Variants in PTPN13 observed in about 807,000 individuals in gnomAD.
PTPN13 encodes the protein tyrosine-protein phosphatase non-receptor type 13.
In PTPN13, 191 loss-of-function variants were observed where a neutral mutation model predicts 284.0. The ratio of observed to expected loss-of-function variants is 0.67; its 90% CI spans 0.60 to 0.76. The LOEUF (loss-of-function observed/expected upper bound fraction) is 0.76, where lower values mean the gene tolerates loss of function less well. PTPN13 is among the 30% of genes least tolerant of loss of function. The pLI is 0.00. For missense variants in PTPN13, 2,797 were observed against 2,939.9 expected (o/e 0.95, Z 1.12); for synonymous variants, 986 against 1,022.3 (o/e 0.96, Z 0.68).
At chr4:86,721,993 C>G (rs1168198846) in intron 9 of PTPN13, among the ~76,000 whole-genome samples, 1 of 151,920 alleles carries the variant, frequency 6.6e-6, no homozygotes, top group Admixed American at 6.6e-5. Context: ...GCGATCCAAC[C>G]GCCTTCACCT....
chr4:86,685,120 A>C (rs1055666221), intron 3 of PTPN13, among the ~76,000 whole-genome samples: 1 of 152,166 alleles, frequency 6.6e-6, no homozygotes, highest in African/African-American at 2.4e-5. Flanking sequence ...TCTCTCCTGC[A>C]TTTCCAGTTT....
At chr4:86,727,350 C>G (rs1734396240) in intron 10 of PTPN13, among the ~76,000 whole-genome samples, 1 of 149,642 alleles carries the variant, frequency 6.7e-6, no homozygotes, top group African/African-American at 2.4e-5. Flanking sequence ...GGAGGATTCC[C>G]TCTTTTTCTA....
rs558228010 is a variant in PTPN13 at position 86,771,237 on chromosome 4, G to A, written c.4870G>A (p.Val1624Met). 1 of 1,611,150 alleles carries A rather than the reference G, an allele frequency of 6.2e-7. No homozygotes were observed. The highest frequency in any genetic ancestry group is 1.1e-5 in the South Asian group (1 of 90,150). The change falls in exon 31 of 48, where the codon GTG (valine) becomes ATG (methionine). Residue 1624 changes from valine (V) to methionine (M), a missense_variant. By Grantham distance (21) the Val-to-Met change is conservative. Coordinates refer to ENST00000411767, the MANE Select transcript of PTPN13 (RefSeq NM_080683.3). ...SSKDSSQPSC[V>M]EQSTSSDENE... ...TAAAGACTCTTCTCAGCCATCATGT[G>A]TGGAGCAAAGCACCAGCTCAGATGA...
chr4:86,769,759 T>G lies in PTPN13; in HGVS notation c.4490-10T>G. ...TAATATCTAAATTTTTTTTATATCT[T>G]TTTCTCCAGAAAATACATTTGAGGT... On this transcript the variant is annotated splice_polypyrimidine_tract_variant and intron_variant, in intron 28 of 47. Coordinates refer to ENST00000411767, the MANE Select transcript of PTPN13 (RefSeq NM_080683.3). 1 of 1,550,042 alleles carries G rather than the reference T, an allele frequency of 6.5e-7. No homozygotes were observed. Among genetic ancestry groups the G allele is most frequent in the Non-Finnish European group, 8.8e-7 (1 of 1,138,996 alleles).
intron 7 of PTPN13, among the ~76,000 whole-genome samples, chr4:86,710,125 A>G (rs548680588): frequency 6.6e-6 from 1 of 152,340 alleles, no homozygotes; most frequent in African/African-American, 2.4e-5. Flanking sequence ...AACACTTAAT[A>G]TATGAATACA....
Position 86,770,164 on chromosome 4 carries a change from C to T in PTPN13, c.4768C>T (p.Pro1590Ser). 3 of 1,613,744 alleles carry T rather than the reference C, an allele frequency of 1.9e-6. No individual in the cohort carries two copies. The highest frequency in any genetic ancestry group is 2.5e-6 in the Non-Finnish European group (3 of 1,179,786). ...ATTCTTGCTTCTCTGCAGACCTCCA[C>T]CTGGTGTGCTACCGGAAATTGATAC... is the stretch of plus-strand genomic sequence containing the variant. ...EVFLLLCRPP[P>S]GVLPEIDTAL... The change falls in exon 30 of 48, where the codon CCT (proline) becomes TCT (serine). Residue 1590 changes from proline to serine, a missense_variant. By Grantham distance (74) the Pro-to-Ser change is moderately conservative. Coordinates refer to ENST00000411767, the MANE Select transcript of PTPN13 (RefSeq NM_080683.3).
chr4:86,664,422 A>G (rs1313010727), intron 2 of PTPN13, among the ~76,000 whole-genome samples: 1 of 152,166 alleles, frequency 6.6e-6, no homozygotes, highest in Non-Finnish European at 1.5e-5. Flanking sequence ...TGTGGTCAGC[A>G]AAGTCTAAAT....
In PTPN13 at chr4:86,650,720, T is replaced by C. The variant is rs552515762; in HGVS notation, c.115+15349T>C. Reference sequence around the variant, plus strand: ...TTACTTTCTTAATTTCTTTGTCATATTGTTTGCCATTGGTATAGAAATGCT... The same window carrying C: ...TTACTTTCTTAATTTCTTTGTCATACTGTTTGCCATTGGTATAGAAATGCT... On this transcript the variant is annotated intron_variant, in intron 2 of 47. Transcript: ENST00000411767. Among the ~76,000 whole-genome samples, 77 of 152,336 alleles carry C rather than the reference T, an allele frequency of 5.1e-4. 1 individual carries two copies. Among genetic ancestry groups the C allele is most frequent in the Admixed American group, 4.9e-3 (75 of 15,296 alleles).
chr4:86,640,403 C>T (rs1004151591), intron 2 of PTPN13, among the ~76,000 whole-genome samples: 1 of 152,118 alleles, frequency 6.6e-6, no homozygotes, highest in African/African-American at 2.4e-5. Context: ...ATGTTGATGG[C>T]ACTATTCAGT....
intron 17 of PTPN13, among the ~76,000 whole-genome samples, chr4:86,746,564 G>A (rs985971420): frequency 3.9e-5 from 6 of 152,162 alleles, no homozygotes; most frequent in Admixed American, 6.5e-5. Context: ...AACTCAGAGA[G>A]CTACAGTCTT....
chr4:86,667,087 C>T (rs1394313657), intron 2 of PTPN13, among the ~76,000 whole-genome samples: 1 of 152,212 alleles, frequency 6.6e-6, no homozygotes, highest in African/African-American at 2.4e-5. Flanking sequence ...CTTACTCTCA[C>T]TATCTGCCTA....
intron 2 of PTPN13, among the ~76,000 whole-genome samples, chr4:86,666,635 G>C (rs909492728): frequency 7.9e-5 from 12 of 152,164 alleles, no homozygotes; most frequent in Non-Finnish European, 1.6e-4. Context: ...AGAGAGAGAA[G>C]AAAAAGAGAC....
chr4:86,680,475 G>C (rs1728785885), intron 3 of PTPN13, among the ~76,000 whole-genome samples: 1 of 151,388 alleles, frequency 6.6e-6, no homozygotes, highest in Non-Finnish European at 1.5e-5. Flanking sequence ...AATTTCTCAA[G>C]TCTGCTAAGT....
intron 17 of PTPN13, among the ~76,000 whole-genome samples, chr4:86,747,744 G>A (rs1256852733): frequency 9.2e-5 from 14 of 152,204 alleles, no homozygotes; most frequent in Admixed American, 7.9e-4. Context: ...CCTCAAAAGT[G>A]AAAGCACTTT....
At position 86,745,240 on chromosome 4, in the gene PTPN13, G is replaced by A. The variant is rs1349576215; in HGVS notation, c.2650+112G>A. ...ATGAAAACTTACAATGTATATACATGTTAAATAGCTAAATCAAGTCTATAA... is the reference window on the plus strand; with the variant it reads ...ATGAAAACTTACAATGTATATACATATTAAATAGCTAAATCAAGTCTATAA... On this transcript the variant is annotated intron_variant, in intron 17 of 47. Transcript: ENST00000411767. 5 of 970,418 alleles carry A rather than the reference G, an allele frequency of 5.2e-6. No homozygotes were observed. In the African/African-American group the frequency reaches 8.3e-5, roughly 16 times the overall value. 60.1% of individuals were successfully genotyped at this position (970,418 alleles called of 1,614,324 possible). A position where few individuals can be genotyped will look rare whatever the true frequency, so the allele number is the denominator to read the frequency against.
rs1740537995 is a variant in PTPN13, at chr4:86,775,548, T to A, written c.5787T>A (p.Asp1929Glu). 6.2e-7 allele frequency: 1 copy of A among 1,613,512 alleles called. No individual in the cohort carries two copies. Among genetic ancestry groups the A allele is most frequent in the South Asian group, 1.1e-5 (1 of 90,992 alleles). ...AAIEGNLQLLDVIHYVNGVST... is the reference protein window; with the variant it reads ...AAIEGNLQLLEVIHYVNGVST... ...TTGAGGGTAATCTCCAGCTATTAGATGTCATCCATTATGTGAACGGAGTCA... is the reference window on the plus strand; with the variant it reads ...TTGAGGGTAATCTCCAGCTATTAGAAGTCATCCATTATGTGAACGGAGTCA... Residue 1929 changes from aspartate (D) to glutamate (E), a missense_variant, in exon 35 of 48, where the codon GAT (aspartate) becomes GAA (glutamate). Asp to Glu is a conservative substitution (Grantham distance 45, BLOSUM62 2). Transcript: ENST00000411767.
At chr4:86,764,502 G>T (rs1456662623) in intron 24 of PTPN13, 91 bp from the exon 25 acceptor site, 4 of 977,180 alleles carry the variant, frequency 4.1e-6, no homozygotes, top group Middle Eastern at 3.3e-4. Context: ...TTTGTCCTGG[G>T]CTAGGTTTAA....
chr4:86,697,228 C>A (rs532100596), intron 6 of PTPN13, among the ~76,000 whole-genome samples: 1 of 152,174 alleles, frequency 6.6e-6, no homozygotes, highest in African/African-American at 2.4e-5. Context: ...ACATTTTCTT[C>A]AGTGTGCACC....
chr4:86,632,341 A>G (rs550556953), intron 1 of PTPN13, among the ~76,000 whole-genome samples: 1 of 152,278 alleles, frequency 6.6e-6, no homozygotes, highest in South Asian at 2.1e-4. Flanking sequence ...CAGGATCTAA[A>G]CCAGGGGAAG....
Sources: allele counts gnomAD v4.1 joint callset (sites outside exome capture counted in the v4.1 genomes callset), GRCh38; gene constraint gnomAD v4.1.1; transcripts MANE v1.5; gene names NCBI Gene and HGNC (gene_info 2026-07-23, HGNC 2026-07-21).